EPDR1: variants seen among roughly 807,000 people sequenced by gnomAD.
EPDR1 encodes ependymin related 1.
A neutral mutation model predicts 23.7 loss-of-function variants in EPDR1; 27 were observed. That is an observed-to-expected ratio of 1.14 (90% CI 0.84 to 1.57). The LOEUF (loss-of-function observed/expected upper bound fraction) is 1.57. EPDR1 is among the 40% of genes most tolerant of loss of function. EPDR1 has a pLI of 0.00. For synonymous variants in EPDR1, 137 were observed against 118.2 expected, an observed-to-expected ratio of 1.16 and a Z score of -1.03; for missense variants, 349 against 290.4, an observed-to-expected ratio of 1.20 and a Z score of -1.47.
At chr7:37,943,206 C>G (rs1355572534) in intron 1 of EPDR1, among the ~76,000 whole-genome samples, 1 of 152,242 alleles carries the variant, frequency 6.6e-6, no homozygotes, top group African/African-American at 2.4e-5. Context: ...CTGTCCTGAA[C>G]ACCAATTCCA....
intron 1 of EPDR1, among the ~76,000 whole-genome samples, chr7:37,940,531 A>G (rs991542864): frequency 1.3e-5 from 2 of 152,206 alleles, no homozygotes; most frequent in African/African-American, 4.8e-5. Flanking sequence ...TTGACACAAT[A>G]CTGACTCTCG....
chr7:37,926,349 C>A (rs1202382467), intron 1 of EPDR1, among the ~76,000 whole-genome samples: 2 of 152,054 alleles, frequency 1.3e-5, no homozygotes, highest in Non-Finnish European at 2.9e-5. Flanking sequence ...TTCCTCCCAG[C>A]AAGGACATTC....
intron 1 of EPDR1, among the ~76,000 whole-genome samples, chr7:37,939,357 G>A (rs1163869408): frequency 6.6e-6 from 1 of 151,878 alleles, no homozygotes; most frequent in African/African-American, 2.4e-5. Flanking sequence ...TCTTAATATT[G>A]ACTCCTACCT....
intron 1 of EPDR1, among the ~76,000 whole-genome samples, chr7:37,928,692 C>A (rs1484564078): frequency 6.6e-6 from 1 of 152,180 alleles, no homozygotes; most frequent in Non-Finnish European, 1.5e-5. Flanking sequence ...CCTTCTCCCA[C>A]CTTATTTCCT....
At chr7:37,940,246 G>T (rs1048512920) in intron 1 of EPDR1, among the ~76,000 whole-genome samples, 2 of 152,152 alleles carry the variant, frequency 1.3e-5, no homozygotes, top group African/African-American at 4.8e-5. Context: ...AGGCATGCAG[G>T]AAAAATAAAA....
intron 1 of EPDR1, among the ~76,000 whole-genome samples, chr7:37,948,590 C>A (rs1469937566): frequency 6.6e-6 from 1 of 152,142 alleles, no homozygotes; most frequent in Non-Finnish European, 1.5e-5. Context: ...TCAAAACGTA[C>A]TCCATCCTCG....
intron 1 of EPDR1, among the ~76,000 whole-genome samples, chr7:37,942,276 T>C (rs1255350251): frequency 1.3e-5 from 2 of 152,194 alleles, no homozygotes; most frequent in African/African-American, 4.8e-5. Flanking sequence ...AGTGGGATGT[T>C]ATTCAGCCTT....
Position 37,948,849 on chromosome 7 carries a change from A to G in EPDR1, c.279A>G (p.Glu93=). 6.2e-7 allele frequency: 1 copy of G among 1,613,994 alleles called. No homozygotes were observed. Among genetic ancestry groups the G allele is most frequent in the Non-Finnish European group, 8.5e-7 (1 of 1,179,908 alleles). Residue 93 remains glutamate, a synonymous_variant, in exon 2 of 3, where the codon GAA becomes GAG. Coordinates refer to ENST00000199448, the MANE Select transcript of EPDR1 (RefSeq NM_017549.5). ...TCCATCTGTGTTTCAGATTATTTGA[A>G]TATATTTTGCTGTATAAGGATGGAG... ...KALIPCKRLF[E]YILLYKDGVM...
chr7:37,949,815 G>C (rs1401345431), intron 2 of EPDR1, among the ~76,000 whole-genome samples: 1 of 152,218 alleles, frequency 6.6e-6, no homozygotes, highest in Non-Finnish European at 1.5e-5. Context: ...ACATGCTACA[G>C]CCTGAGTAAA....
chr7:37,940,311 G>A (rs1204092466), intron 1 of EPDR1, among the ~76,000 whole-genome samples: 2 of 152,174 alleles, frequency 1.3e-5, no homozygotes, highest in East Asian at 3.8e-4. Context: ...GGGAAGAGGA[G>A]ATAGGGATGG....
chr7:37,939,422 T>C (rs1230433418), intron 1 of EPDR1, among the ~76,000 whole-genome samples: 1 of 152,228 alleles, frequency 6.6e-6, no homozygotes, highest in African/African-American at 2.4e-5. Context: ...CAATGTCACA[T>C]AGACTTTTTG....
chr7:37,934,871 A>G (rs1223988833), intron 1 of EPDR1, among the ~76,000 whole-genome samples: 1 of 152,080 alleles, frequency 6.6e-6, no homozygotes, highest in Non-Finnish European at 1.5e-5. Context: ...CTTGAGCCTG[A>G]GAGGCAATGG....
chr7:37,948,932 C>T lies in EPDR1; in HGVS notation c.362C>T (p.Pro121Leu), dbSNP rs149095633. The T allele has an allele frequency of 6.8e-4, 1,093 of 1,614,040 alleles. No homozygotes were observed. Among genetic ancestry groups the T allele is most frequent in the Non-Finnish European group, 8.9e-4 (1,050 of 1,180,024 alleles). The change falls in exon 2 of 3, where the codon CCC (proline) becomes CTC (leucine). Residue 121 changes from proline (P) to leucine (L), a missense_variant. By Grantham distance (98) the Pro-to-Leu change is moderately conservative. Coordinates refer to ENST00000199448, the MANE Select transcript of EPDR1 (RefSeq NM_017549.5). ...TGCTCAAAGATGACCCTGACACAGC[C>T]CTGGGATCCTCTTGACATTCCTCAA... ...KQCSKMTLTQ[P>L]WDPLDIPQNS...
In EPDR1 at chr7:37,921,061, C is replaced by G. The variant is rs750489002; in HGVS notation, c.122C>G (p.Pro41Arg). 9 of 1,553,468 alleles carry G rather than the reference C, an allele frequency of 5.8e-6. No homozygotes were observed. Among genetic ancestry groups the G allele is most frequent in the South Asian group, 3.5e-5 (3 of 85,806 alleles). The change falls in exon 1 of 3, where the codon CCG (proline) becomes CGG (arginine). Residue 41 changes from proline to arginine, a missense_variant. Physicochemically the swap from Pro to Arg is moderately radical, Grantham distance 103. Transcript: ENST00000199448. ...CSLGAVGAPR[P>R]CQAPQQWEGR... is the part of the protein sequence containing the mutation. Reference sequence around the variant, plus strand: ...CTGGGGGCGGTGGGAGCCCCGCGCCCGTGCCAGGCGCCGCAGCAGTGGGAG... The same window carrying G: ...CTGGGGGCGGTGGGAGCCCCGCGCCGGTGCCAGGCGCCGCAGCAGTGGGAG...
At chr7:37,928,200 A>G (rs1169959508) in intron 1 of EPDR1, among the ~76,000 whole-genome samples, 1 of 152,230 alleles carries the variant, frequency 6.6e-6, no homozygotes, top group Non-Finnish European at 1.5e-5. Context: ...ACTTTCTCCA[A>G]TAACCTTGAG....
At position 37,950,576 on chromosome 7, in the gene EPDR1, A is replaced by C. The variant is rs373699619; in HGVS notation, c.*180A>C. The C allele has an allele frequency of 5.8e-5, 37 of 639,394 alleles. No homozygotes were observed. In the South Asian group the frequency reaches 8.2e-4, roughly 14 times the overall value. 39.6% of individuals were successfully genotyped at this position (639,394 alleles called of 1,614,324 possible). On this transcript the variant is annotated 3_prime_UTR_variant, in exon 3 of 3. Coordinates refer to ENST00000199448, the MANE Select transcript of EPDR1 (RefSeq NM_017549.5). The stretch of plus-strand genomic sequence containing the variant: ...TGACTACTCAAGCTCTGTTTACAGA[A>C]GAAAATTGAATGGCGAGGGTGTGGC...
chr7:37,948,762 C>G (rs2132021329), intron 1 of EPDR1, 78 bp from the exon 2 acceptor site: 1 of 1,069,678 alleles, frequency 9.3e-7, no homozygotes, highest in South Asian at 1.3e-5. Flanking sequence ...TAATATCTAT[C>G]AAAGGTGTTT....
chr7:37,947,369 C>T (rs1015185824), intron 1 of EPDR1, among the ~76,000 whole-genome samples: 27 of 152,190 alleles, frequency 1.8e-4, no homozygotes, highest in African/African-American at 6.0e-4. Context: ...TGTAACTGCA[C>T]TCTATGATGT....
At chr7:37,946,966 T>G (rs1483800051) in intron 1 of EPDR1, among the ~76,000 whole-genome samples, 1 of 152,198 alleles carries the variant, frequency 6.6e-6, no homozygotes, top group African/African-American at 2.4e-5. Flanking sequence ...TACAGGAAGC[T>G]AAAATTAATG....
Sources: allele counts gnomAD v4.1 joint callset (sites outside exome capture counted in the v4.1 genomes callset), GRCh38; gene constraint gnomAD v4.1.1; transcripts MANE v1.5; gene names NCBI Gene and HGNC (gene_info 2026-07-23, HGNC 2026-07-21).